Variants in SRRM1 observed in about 807,000 individuals in gnomAD.
SRRM1 encodes serine/arginine repetitive matrix protein 1.
SRRM1 carries 19 observed loss-of-function variants against 110.2 expected under a neutral mutation model. The ratio of observed to expected loss-of-function variants is 0.17; its 90% confidence interval spans 0.12 to 0.25. The LOEUF (loss-of-function observed/expected upper bound fraction) is 0.25. SRRM1 is among the 10% of genes least tolerant of loss of function. The pLI, the probability that SRRM1 is intolerant of heterozygous loss-of-function variation, is 1.00. For synonymous variants in SRRM1, 443 were observed against 414.9 expected (o/e 1.07, Z -0.82); for missense variants, 918 against 1,145.8 (o/e 0.80, Z 2.87).
intron 1 of SRRM1, among the ~76,000 whole-genome samples, chr1:24,645,400 C>G (rs184220600): frequency 6.6e-6 from 1 of 152,132 alleles, no homozygotes; most frequent in Non-Finnish European, 1.5e-5. Flanking sequence ...AGTGATCACT[C>G]GATGATCTAA....
chr1:24,664,385 ACT>A (rs1668844035), intron 12 of SRRM1, among the ~76,000 whole-genome samples: 2 of 152,118 alleles, frequency 1.3e-5, no homozygotes, highest in Non-Finnish European at 2.9e-5. Context: ...TTCAGGCCTT[ACT>A]CTCATAAGTG....
intron 14 of SRRM1, 200 bp from the exon 15 acceptor site, chr1:24,669,920 A>C (rs919593422): frequency 3.9e-5 from 23 of 583,550 alleles, no homozygotes; most frequent in African/African-American, 7.5e-5. Context: ...CATTAACAGA[A>C]TAGATAGAGG....
chr1:24,671,967 A>G (rs1672985419), intron 16 of SRRM1, among the ~76,000 whole-genome samples: 1 of 151,920 alleles, frequency 6.6e-6, no homozygotes, highest in Admixed American at 6.6e-5. Context: ...CATGTGCACA[A>G]TGTGCAGGTT....
intron 9 of SRRM1, among the ~76,000 whole-genome samples, chr1:24,658,134 T>C (rs1014708341): frequency 1.3e-5 from 2 of 152,044 alleles, no homozygotes; most frequent in Non-Finnish European, 2.9e-5. Context: ...GCTGTTATAA[T>C]ATTAATAATG....
At chr1:24,657,091 G>A (rs374908985) in intron 9 of SRRM1, among the ~76,000 whole-genome samples, 2 of 152,056 alleles carry the variant, frequency 1.3e-5, no homozygotes, top group Non-Finnish European at 2.9e-5. Flanking sequence ...CCACCACCCC[G>A]CTAAATAGAG....
chr1:24,648,441 G>A lies in SRRM1; in HGVS notation c.235-418G>A, dbSNP rs74060406. ...TATGCAAAGCTATCTGTAGTGTTAG[G>A]GAGCAGTTTATGTACTTTTTCCGTT... On this transcript the variant is annotated intron_variant, in intron 3 of 16. Transcript: ENST00000323848. 1,337 of 156,292 alleles carry A rather than the reference G, an allele frequency of 8.6e-3. 13 individuals are homozygous for A. The highest frequency in any genetic ancestry group is 0.03 in the African/African-American group (1,239 of 41,608). 9.7% of individuals were successfully genotyped at this position (156,292 alleles called of 1,614,324 possible).
At position 24,670,008 on chromosome 1, in the gene SRRM1, C is replaced by G. The variant is rs902326627; in HGVS notation, c.2205-112C>G. ...TATGTTAGTTGAATCAACCAGCAATCTAAGTGGTATATTTGAAATTCATAA... is the reference window on the plus strand; with the variant it reads ...TATGTTAGTTGAATCAACCAGCAATGTAAGTGGTATATTTGAAATTCATAA... On this transcript the variant is annotated intron_variant, in intron 14 of 16. Coordinates refer to ENST00000323848, the MANE Select transcript of SRRM1 (RefSeq NM_005839.4). 25 of 964,838 alleles carry G rather than the reference C, an allele frequency of 2.6e-5. 1 individual carries two copies. The South Asian group carries it at 3.1e-4, about 12-fold the overall frequency. 59.8% of individuals were successfully genotyped at this position (964,838 alleles called of 1,614,324 possible). A position where few individuals can be genotyped will look rare whatever the true frequency, so the allele number is the denominator to read the frequency against.
chr1:24,672,379 A>G lies in SRRM1; in HGVS notation c.*93A>G, dbSNP rs1673206385. 1.2e-6 allele frequency: 1 copy of G among 829,024 alleles called. No individual in the cohort carries two copies. The highest frequency in any genetic ancestry group is 1.7e-5 in the African/African-American group (1 of 57,304). The allele number at this position is 829,024 out of a possible 1,614,324, so 51.4% of individuals were successfully genotyped here. A position where few individuals can be genotyped will look rare whatever the true frequency, so the allele number is the denominator to read the frequency against. On this transcript the variant is annotated 3_prime_UTR_variant, in exon 17 of 17. Coordinates refer to ENST00000323848, the MANE Select transcript of SRRM1 (RefSeq NM_005839.4). The stretch of plus-strand genomic sequence containing the variant: ...ATGTGTTTGAGCTTTAGACTATAAC[A>G]TTTGTTGTAATAATTGCTAGGTTGA...
At chr1:24,644,005 G>T (rs927747102) in intron 1 of SRRM1, among the ~76,000 whole-genome samples, 1 of 152,150 alleles carries the variant, frequency 6.6e-6, no homozygotes, top group Admixed American at 6.6e-5. Context: ...TGAGGGTAGA[G>T]GGTGCAACGA....
chr1:24,651,251 C>T (rs1362217586), intron 5 of SRRM1, among the ~76,000 whole-genome samples, 158 bp from the exon 6 acceptor site: 2 of 152,158 alleles, frequency 1.3e-5, no homozygotes, highest in African/African-American at 4.8e-5. Flanking sequence ...CTTTCTCTTC[C>T]CTGTCAAGTA....
chr1:24,654,900 C>G lies in SRRM1; in HGVS notation c.1086C>G (p.Ser362=). 6.2e-7 allele frequency: 1 copy of G among 1,614,100 alleles called. No individual in the cohort carries two copies. The highest frequency in any genetic ancestry group is 8.5e-7 in the Non-Finnish European group (1 of 1,180,022). The change falls in exon 9 of 17, where the codon TCC becomes TCG. Residue 362 remains serine (S), a synonymous_variant. Coordinates refer to ENST00000323848, the MANE Select transcript of SRRM1 (RefSeq NM_005839.4). Reference sequence around the variant, plus strand: ...CCTTGTCTGGGAGTAGCTCATCATCCTCTTCATCTCGTTCACGGTCACCAC... The same window carrying G: ...CCTTGTCTGGGAGTAGCTCATCATCGTCTTCATCTCGTTCACGGTCACCAC... The part of the protein sequence containing the change: ...SASLSGSSSS[S]SSSRSRSPPK...
intron 12 of SRRM1, 156 bp from the exon 13 acceptor site, chr1:24,666,659 G>A: frequency 5.2e-6 from 3 of 575,310 alleles, no homozygotes; most frequent in Non-Finnish European, 9.4e-6. Flanking sequence ...CAACTACTCA[G>A]GAGGCTGAGG....
chr1:24,673,070 T>TC lies in SRRM1; in HGVS notation c.*784_*785insC, dbSNP rs1316452864. ...TAATGAAATGTCATGGCTCTGTTCA[T>TC]ATTTTTGTCTTGTTCTTCCAATTGG... On this transcript the variant is annotated 3_prime_UTR_variant, in exon 17 of 17. Coordinates refer to ENST00000323848, the MANE Select transcript of SRRM1 (RefSeq NM_005839.4). 6.6e-6 allele frequency: 1 copy of TC among 152,256 alleles called. No homozygotes were observed. Among genetic ancestry groups the TC allele is most frequent in the East Asian group, 1.9e-4 (1 of 5,206 alleles). The allele number at this position is 152,256 out of a possible 1,614,324, so 9.4% of individuals were successfully genotyped here.
chr1:24,646,626 G>A (rs1268114262), intron 2 of SRRM1, 41 bp from the exon 3 acceptor site: 4 of 1,513,072 alleles, frequency 2.6e-6, no homozygotes, highest in East Asian at 2.4e-5. Flanking sequence ...TTTTTTTTTA[G>A]GATTGTGAAG....
At chr1:24,656,198 A>G (rs1664005775) in intron 9 of SRRM1, among the ~76,000 whole-genome samples, 1 of 152,188 alleles carries the variant, frequency 6.6e-6, no homozygotes, top group South Asian at 2.1e-4. Context: ...CTGTTGCCTT[A>G]TCTCCCCACT....
At chr1:24,672,103 C>A in intron 16 of SRRM1, 79 bp from the exon 17 acceptor site, 1 of 1,123,214 alleles carries the variant, frequency 8.9e-7, no homozygotes, top group Admixed American at 2.1e-5. Flanking sequence ...GTTCCCCTCC[C>A]ACACTTTGAT....
At chr1:24,657,692 G>A (rs1664940826) in intron 9 of SRRM1, among the ~76,000 whole-genome samples, 2 of 152,120 alleles carry the variant, frequency 1.3e-5, no homozygotes, top group African/African-American at 4.8e-5. Context: ...TCATCTGAAG[G>A]GATCTTAGGG....
intron 1 of SRRM1, 123 bp downstream of exon 1, chr1:24,643,470 T>A: frequency 2.2e-5 from 13 of 590,450 alleles, no homozygotes; most frequent in South Asian, 4.2e-5. Flanking sequence ...GGATTCCTCC[T>A]AGAGCCGGCG....
At chr1:24,663,593 G>A (rs1041108144) in intron 12 of SRRM1, among the ~76,000 whole-genome samples, 2 of 151,928 alleles carry the variant, frequency 1.3e-5, no homozygotes, top group Admixed American at 6.6e-5. Flanking sequence ...TTGTATTTGT[G>A]GTGACATTAG....
Sources: allele counts gnomAD v4.1 joint callset (sites outside exome capture counted in the v4.1 genomes callset), GRCh38; gene constraint gnomAD v4.1.1; transcripts MANE v1.5; gene names NCBI Gene and HGNC (gene_info 2026-07-23, HGNC 2026-07-21).